Variants in MAP2K4 observed in about 807,000 individuals in gnomAD.
MAP2K4 encodes mitogen-activated protein kinase kinase 4, also known as dual specificity mitogen-activated protein kinase kinase 4.
A neutral mutation model predicts 48.5 loss-of-function variants in MAP2K4; 4 were observed. That is an observed-to-expected ratio of 0.08 (90% CI 0.04 to 0.19). The LOEUF (loss-of-function observed/expected upper bound fraction) is 0.19. Among genes scored for constraint, MAP2K4 ranks in the 10% least tolerant of loss-of-function variants. The pLI, the probability that MAP2K4 is intolerant of heterozygous loss-of-function variation, is 1.00. For synonymous variants in MAP2K4, 166 were observed against 173.1 expected, an observed-to-expected ratio of 0.96 and a Z score of 0.32; for missense variants, 258 against 493.3, an observed-to-expected ratio of 0.52 and a Z score of 4.52.
chr17:12,141,124 T>C (rs370602641), intron 10 of MAP2K4, 23 bp from the exon 11 acceptor site: 173 of 1,528,014 alleles, frequency 1.1e-4, no homozygotes, highest in Non-Finnish European at 1.5e-4. Flanking sequence ...CTTTTGACTT[T>C]TTTGTTTTCA....
intron 1 of MAP2K4, among the ~76,000 whole-genome samples, chr17:12,040,481 C>T (rs1969742995): frequency 6.6e-6 from 1 of 152,030 alleles, no homozygotes; most frequent in Non-Finnish European, 1.5e-5. Context: ...TGAGTTGACC[C>T]GTTCATTAGG....
chr17:12,063,713 C>G lies in MAP2K4; in HGVS notation c.218+8722C>G, dbSNP rs1970522699. Among the ~76,000 whole-genome samples, 3 of 152,116 alleles carry G rather than the reference C, an allele frequency of 2.0e-5. No individual in the cohort carries two copies. In the South Asian group the frequency reaches 6.2e-4, roughly 32 times the overall value. ...CAAGGCCAGGCGCAGTGGCTCATGC[C>G]TGTAATCCTAGCACTTTGGGAGGCC... On this transcript the variant is annotated intron_variant, in intron 2 of 10. Transcript: ENST00000353533.
chr17:12,116,702 A>G (rs1959963576), intron 7 of MAP2K4, among the ~76,000 whole-genome samples: 1 of 152,148 alleles, frequency 6.6e-6, no homozygotes, highest in South Asian at 2.1e-4. Context: ...TTCTACATCC[A>G]CATCTTGCCC....
intron 2 of MAP2K4, among the ~76,000 whole-genome samples, chr17:12,065,237 A>G (rs1402011493): frequency 6.8e-6 from 1 of 147,612 alleles, no homozygotes; most frequent in African/African-American, 2.5e-5. Context: ...ATCCTGAACA[A>G]TAACAATTAT....
At position 12,021,298 on chromosome 17, in the gene MAP2K4, C is replaced by A. The variant is rs1189310713; in HGVS notation, c.115+297C>A. On this transcript the variant is annotated intron_variant, in intron 1 of 10. Transcript: ENST00000353533. ...CCTGGTCCGGGACCGCCCCCGCGGCCGTCCCCATCGCCCCCGCCGCTTACC... is the reference window on the plus strand; with the variant it reads ...CCTGGTCCGGGACCGCCCCCGCGGCAGTCCCCATCGCCCCCGCCGCTTACC... 5 of 203,408 alleles carry A rather than the reference C, an allele frequency of 2.5e-5. No homozygotes were observed. The East Asian group carries it at 4.3e-4, about 17-fold the overall frequency. The allele number at this position is 203,408 out of a possible 1,614,324, so 12.6% of individuals were successfully genotyped here. A position where few individuals can be genotyped will look rare whatever the true frequency, so the allele number is the denominator to read the frequency against.
chr17:12,121,506 C>T (rs1225506796), intron 7 of MAP2K4, among the ~76,000 whole-genome samples: 3 of 141,078 alleles, frequency 2.1e-5, no homozygotes, highest in Admixed American at 7.7e-5. Flanking sequence ...ACCCGGGAGG[C>T]GGAGCTTGCA....
chr17:12,039,570 T>C (rs1187589598), intron 1 of MAP2K4, among the ~76,000 whole-genome samples: 3 of 152,228 alleles, frequency 2.0e-5, no homozygotes, highest in African/African-American at 7.2e-5. Flanking sequence ...CACATAAATG[T>C]GTTACATGTC....
intron 1 of MAP2K4, among the ~76,000 whole-genome samples, chr17:12,042,787 C>A (rs932527780): frequency 6.6e-6 from 1 of 152,218 alleles, no homozygotes; most frequent in African/African-American, 2.4e-5. Flanking sequence ...GTGGCTCACG[C>A]CTGTAATCCC....
chr17:12,110,467 T>C (rs1294344660), intron 6 of MAP2K4, 41 bp downstream of exon 6: 1 of 1,362,002 alleles, frequency 7.3e-7, no homozygotes, highest in South Asian at 1.2e-5. Context: ...AAATTAACTT[T>C]TTTCTCCTAA....
intron 9 of MAP2K4, among the ~76,000 whole-genome samples, chr17:12,136,833 A>G (rs950500964): frequency 2.0e-5 from 3 of 152,206 alleles, no homozygotes; most frequent in Admixed American, 6.5e-5. Context: ...GGGTGAAAAA[A>G]TGCAACAAAA....
intron 3 of MAP2K4, among the ~76,000 whole-genome samples, chr17:12,084,780 C>T (rs149717482): frequency 3.9e-5 from 6 of 152,160 alleles, no homozygotes; most frequent in East Asian, 3.9e-4. Flanking sequence ...TTAAATGTAG[C>T]GGGGTAAAGC....
At chr17:12,044,413 G>A (rs900743309) in intron 1 of MAP2K4, among the ~76,000 whole-genome samples, 1 of 152,184 alleles carries the variant, frequency 6.6e-6, no homozygotes, top group African/African-American at 2.4e-5. Flanking sequence ...ATATAGAATT[G>A]AAGTGCAGAA....
intron 2 of MAP2K4, among the ~76,000 whole-genome samples, chr17:12,062,031 A>G (rs1194721764): frequency 6.6e-6 from 1 of 151,344 alleles, no homozygotes; most frequent in African/African-American, 2.4e-5. Flanking sequence ...AGTTAAATAC[A>G]TCAGTTGGTC....
At chr17:12,082,510 G>C (rs1193171965) in intron 3 of MAP2K4, among the ~76,000 whole-genome samples, 1 of 152,182 alleles carries the variant, frequency 6.6e-6, no homozygotes, top group Non-Finnish European at 1.5e-5. Flanking sequence ...GTTTGTCAGA[G>C]TGGTTGATAA....
intron 1 of MAP2K4, among the ~76,000 whole-genome samples, chr17:12,024,226 A>T (rs915734253): frequency 1.3e-5 from 2 of 152,172 alleles, no homozygotes; most frequent in African/African-American, 4.8e-5. Context: ...AAGTCTAGCT[A>T]TCAATTTGCT....
At chr17:12,100,637 A>G (rs1489151842) in intron 4 of MAP2K4, among the ~76,000 whole-genome samples, 1 of 152,160 alleles carries the variant, frequency 6.6e-6, no homozygotes, top group Admixed American at 6.5e-5. Flanking sequence ...AAAATGGACA[A>G]ACTTTTTTCT....
At chr17:12,064,932 G>A (rs1970562424) in intron 2 of MAP2K4, among the ~76,000 whole-genome samples, 1 of 152,176 alleles carries the variant, frequency 6.6e-6, no homozygotes. Flanking sequence ...CTCTGAAAAT[G>A]CTGAGCAGAA....
chr17:12,102,323 C>T (rs1971961914), intron 4 of MAP2K4, among the ~76,000 whole-genome samples: 1 of 152,046 alleles, frequency 6.6e-6, no homozygotes, highest in Non-Finnish European at 1.5e-5. Context: ...GAATTGATCT[C>T]AGATATTAAA....
intron 1 of MAP2K4, among the ~76,000 whole-genome samples, chr17:12,052,816 G>C (rs569241497): frequency 6.8e-4 from 103 of 152,126 alleles, no homozygotes; most frequent in Admixed American, 5.9e-4. Context: ...GTAATTAATA[G>C]GTTCAAGTTC....
Sources: allele counts gnomAD v4.1 joint callset (sites outside exome capture counted in the v4.1 genomes callset), GRCh38; gene constraint gnomAD v4.1.1; transcripts MANE v1.5; gene names NCBI Gene and HGNC (gene_info 2026-07-23, HGNC 2026-07-21).